Variants in PDE1C observed in about 807,000 individuals in gnomAD.
The protein encoded by PDE1C is dual specificity calcium/calmodulin-dependent 3',5'-cyclic nucleotide phosphodiesterase 1C.
A neutral mutation model predicts 93.1 loss-of-function variants in PDE1C; 62 were observed. The observed-to-expected ratio is 0.67, with a 90% CI of 0.54 to 0.82. The LOEUF (loss-of-function observed/expected upper bound fraction) is 0.82, where lower values mean the gene tolerates loss of function less well. Among genes scored for constraint, PDE1C ranks in the 40% least tolerant of loss-of-function variants. The pLI is 0.00. For missense variants in PDE1C, 742 were observed against 884.6 expected (o/e 0.84, Z 2.04); for synonymous variants, 325 against 310.1 (o/e 1.05, Z -0.50).
the PDE1C span, among the ~76,000 whole-genome samples, chr7:31,684,667 G>A: frequency 6.6e-6 from 1 of 152,156 alleles, no homozygotes; most frequent in African/African-American, 2.4e-5. Flanking sequence ...ATGAAAAAAT[G>A]TTTAGCATAA....
chr7:32,111,824 CA>C (rs1184291368), intron 3 of PDE1C, among the ~76,000 whole-genome samples: 3 of 152,212 alleles, frequency 2.0e-5, no homozygotes, highest in Admixed American at 1.3e-4. Context: ...GAAGGGTAGA[CA>C]AAACAAAATT....
At chr7:31,841,488 A>G (rs976764979) in intron 9 of PDE1C, among the ~76,000 whole-genome samples, 1 of 152,016 alleles carries the variant, frequency 6.6e-6, no homozygotes, top group Admixed American at 6.6e-5. Flanking sequence ...ATTAAGCTTG[A>G]TGTTAGTTAT....
intron 6 of PDE1C, among the ~76,000 whole-genome samples, chr7:31,871,627 A>G (rs1412068238): frequency 6.6e-6 from 1 of 152,022 alleles, no homozygotes. Flanking sequence ...ACTAATCATC[A>G]GGGAAATGAA....
chr7:31,878,030 A>G lies in PDE1C; in HGVS notation c.432T>C (p.Tyr144=), dbSNP rs768110155. ...VQAGIFVERM[Y]RRTSNMVGLS... is the part of the protein sequence containing the mutation. ...GTCCAACCATGTTTGATGTCCGTCT[A>G]TACATTCTGAAAAGCCAAAAGGGAA... Residue 144 remains tyrosine, a synonymous_variant, in exon 5 of 18, where the codon TAT becomes TAC. Transcript: ENST00000396191. 6 of 1,611,778 alleles carry G rather than the reference A, an allele frequency of 3.7e-6. No individual in the cohort carries two copies. In the East Asian group the frequency reaches 8.9e-5, roughly 24 times the overall value.
chr7:31,649,424 A>G, the PDE1C span, among the ~76,000 whole-genome samples: 1 of 152,326 alleles, frequency 6.6e-6, no homozygotes, highest in East Asian at 1.9e-4. Context: ...TTTCCTTTAA[A>G]GCACACCACA....
At chr7:32,004,252 C>A (rs1380618724) in intron 2 of PDE1C, among the ~76,000 whole-genome samples, 1 of 136,446 alleles carries the variant, frequency 7.3e-6, no homozygotes, top group Non-Finnish European at 1.6e-5. Flanking sequence ...CCCAAAAAAC[C>A]TGAAAAAAAA....
At chr7:31,847,835 G>C in intron 9 of PDE1C, 133 bp downstream of exon 9, 1 of 917,030 alleles carries the variant, frequency 1.1e-6, no homozygotes, top group Non-Finnish European at 1.8e-6. Context: ...GTGAGAGTGA[G>C]AGAAAGAAAG....
intron 3 of PDE1C, among the ~76,000 whole-genome samples, chr7:32,153,947 T>G (rs150933527): frequency 2.6e-5 from 4 of 152,324 alleles, no homozygotes; most frequent in Non-Finnish European, 2.9e-5. Context: ...TTCCTAGTGA[T>G]ATTTTATAAT....
the PDE1C span, chr7:31,708,474 T>C: frequency 6.6e-6 from 1 of 152,212 alleles, no homozygotes; most frequent in Non-Finnish European, 1.5e-5. Context: ...TCCTCGTGCG[T>C]TTCTCCTAAG....
At chr7:32,091,614 A>G (rs1274723651) in intron 3 of PDE1C, among the ~76,000 whole-genome samples, 2 of 152,162 alleles carry the variant, frequency 1.3e-5, no homozygotes, top group Non-Finnish European at 1.5e-5. Context: ...CTGGTGGTTC[A>G]AGAAGCAAGG....
the PDE1C span, chr7:31,652,129 G>A: frequency 9.5e-7 from 1 of 1,051,884 alleles, no homozygotes; most frequent in Non-Finnish European, 1.4e-6. Context: ...ACTTGATTGT[G>A]CAATCATTTC....
chr7:31,703,861 C>A, the PDE1C span, among the ~76,000 whole-genome samples: 1 of 152,186 alleles, frequency 6.6e-6, no homozygotes, highest in Non-Finnish European at 1.5e-5. Context: ...GTTCCAACTG[C>A]GAGCACAGCC....
chr7:31,625,637 G>C, the PDE1C span, among the ~76,000 whole-genome samples: 1 of 152,062 alleles, frequency 6.6e-6, no homozygotes, highest in African/African-American at 2.4e-5. Flanking sequence ...TGGGAGGAGG[G>C]GGGAGGGATA....
intron 1 of PDE1C, among the ~76,000 whole-genome samples, chr7:32,283,731 C>A (rs950259691): frequency 6.6e-6 from 1 of 152,190 alleles, no homozygotes; most frequent in Admixed American, 6.5e-5. Flanking sequence ...TCAACGGTCC[C>A]GTCCCAATGC....
At chr7:32,120,642 C>T (rs146246253) in intron 3 of PDE1C, among the ~76,000 whole-genome samples, 73 of 152,152 alleles carry the variant, frequency 4.8e-4, no homozygotes, top group Admixed American at 8.5e-4. Flanking sequence ...CCTCCAGAAG[C>T]GCAACCTGAC....
Position 31,984,108 on chromosome 7 carries a change from C to T in PDE1C, c.128+67446G>A, listed in dbSNP as rs149306476. Among the ~76,000 whole-genome samples the T allele has an allele frequency of 8.3e-3, 1,271 of 152,228 alleles. 16 individuals are homozygous for T. Among genetic ancestry groups the T allele is most frequent in the African/African-American group, 0.029 (1,211 of 41,518 alleles). ...AGAGGTGGAGAGGAAAGGGCTAGAT[C>T]AGGGGTCCGCAAACCCAAGGCCACA... On this transcript the variant is annotated intron_variant, in intron 2 of 17. Transcript: ENST00000396191.
chr7:31,685,536 A>G, the PDE1C span, among the ~76,000 whole-genome samples: 1 of 152,166 alleles, frequency 6.6e-6, no homozygotes, highest in Non-Finnish European at 1.5e-5. Flanking sequence ...TTTTCCACTC[A>G]AGTGTGGACT....
intron 2 of PDE1C, among the ~76,000 whole-genome samples, chr7:32,204,117 G>A (rs770529668): frequency 7.2e-5 from 11 of 152,106 alleles, no homozygotes; most frequent in Non-Finnish European, 1.2e-4. Context: ...TCTGATAAAC[G>A]AGAGGGCCCC....
At chr7:31,977,210 G>A (rs189793171) in intron 2 of PDE1C, among the ~76,000 whole-genome samples, 12 of 152,218 alleles carry the variant, frequency 7.9e-5, no homozygotes, top group Non-Finnish European at 1.6e-4. Context: ...AAAGTCATTA[G>A]GGTGGAGTCC....
Sources: allele counts gnomAD v4.1 joint callset (sites outside exome capture counted in the v4.1 genomes callset), GRCh38; gene constraint gnomAD v4.1.1; transcripts MANE v1.5; gene names NCBI Gene and HGNC (gene_info 2026-07-23, HGNC 2026-07-21).